Variants in SIPA1L1 observed in about 807,000 individuals in gnomAD.
SIPA1L1 encodes the protein signal-induced proliferation-associated 1-like protein 1.
A neutral mutation model predicts 162.7 loss-of-function variants in SIPA1L1; 26 were observed. The observed-to-expected ratio is 0.16, with a 90% CI of 0.12 to 0.22. The LOEUF (loss-of-function observed/expected upper bound fraction) is 0.22. SIPA1L1 is among the 10% of genes least tolerant of loss of function. The probability of loss-of-function intolerance (pLI) is 1.00; values close to 1 mark genes in which losing one functional copy is unlikely to be tolerated. For missense variants in SIPA1L1, 1,874 were observed against 2,241.0 expected (o/e 0.84, Z 3.31); for synonymous variants, 829 against 837.4 (o/e 0.99, Z 0.17).
intron 13 of SIPA1L1, among the ~76,000 whole-genome samples, chr14:71,695,320 T>C (rs538133560): frequency 1.4e-4 from 22 of 152,382 alleles, no homozygotes; most frequent in Admixed American, 9.8e-4. Flanking sequence ...AAAGCCACTA[T>C]TGAGTTATAT....
intron 2 of SIPA1L1, chr14:71,330,706 TAGGC>T: frequency 1.1e-6 from 1 of 882,984 alleles, no homozygotes; most frequent in Non-Finnish European, 1.9e-6. Flanking sequence ...AGGATTCTCA[TAGGC>T]AGGCAGGAAA....
intron 4 of SIPA1L1, among the ~76,000 whole-genome samples, chr14:71,546,555 C>T (rs542843668): frequency 1.8e-4 from 27 of 151,692 alleles, no homozygotes; most frequent in African/African-American, 5.8e-4. Flanking sequence ...CTAATTTTTG[C>T]ATTTTTAGTA....
intron 2 of SIPA1L1, among the ~76,000 whole-genome samples, chr14:71,354,391 C>T (rs555539325): frequency 1.9e-4 from 28 of 151,250 alleles, no homozygotes; most frequent in Middle Eastern, 3.2e-3. Flanking sequence ...GATTTTCCCT[C>T]TTCAGCCTCC....
chr14:71,567,328 T>TAA (rs2030873228), intron 4 of SIPA1L1, among the ~76,000 whole-genome samples: 11 of 152,330 alleles, frequency 7.2e-5, no homozygotes, highest in Admixed American at 3.9e-4. Flanking sequence ...TCATTGTTTT[T>TAA]AATAGCAAAA....
At chr14:71,661,692 CCTT>C (rs1471055239) in intron 10 of SIPA1L1, among the ~76,000 whole-genome samples, 1 of 152,200 alleles carries the variant, frequency 6.6e-6, no homozygotes, top group Non-Finnish European at 1.5e-5. Flanking sequence ...ATTTGCACCT[CCTT>C]CTTAGGTGAT....
intron 8 of SIPA1L1, among the ~76,000 whole-genome samples, chr14:71,658,095 GT>G (rs1380329471): frequency 1.3e-5 from 2 of 151,106 alleles, no homozygotes; most frequent in African/African-American, 2.4e-5. Flanking sequence ...GAAATCTTAT[GT>G]TTTTTATTTT....
At chr14:71,562,982 G>A (rs2056912773) in intron 4 of SIPA1L1, among the ~76,000 whole-genome samples, 1 of 152,126 alleles carries the variant, frequency 6.6e-6, no homozygotes, top group Non-Finnish European at 1.5e-5. Context: ...TTTGTAGCAT[G>A]TCAAAAAATG....
At chr14:71,719,529 C>A (rs2083530322) in intron 17 of SIPA1L1, among the ~76,000 whole-genome samples, 1 of 152,086 alleles carries the variant, frequency 6.6e-6, no homozygotes. Context: ...TTCCTAGTAA[C>A]CGATGATGTT....
chr14:71,694,081 C>T (rs2081441835), intron 13 of SIPA1L1, among the ~76,000 whole-genome samples: 1 of 152,128 alleles, frequency 6.6e-6, no homozygotes, highest in Non-Finnish European at 1.5e-5. Context: ...ATTCCATAGC[C>T]ATAAGTTGAT....
chr14:71,650,280 T>C, intron 7 of SIPA1L1, 55 bp from the exon 8 acceptor site: 1 of 1,586,944 alleles, frequency 6.3e-7, no homozygotes, highest in African/African-American at 1.3e-5. Flanking sequence ...AGCATTTGAC[T>C]GGGACAAAGT....
chr14:71,601,791 G>A (rs979280622), intron 5 of SIPA1L1, among the ~76,000 whole-genome samples: 2 of 151,948 alleles, frequency 1.3e-5, no homozygotes, highest in Non-Finnish European at 2.9e-5. Context: ...GATTTTCTAC[G>A]TCTTCTGGAT....
At chr14:71,730,626 ATTAG>A (rs759379614) in intron 20 of SIPA1L1, among the ~76,000 whole-genome samples, 1 of 152,176 alleles carries the variant, frequency 6.6e-6, no homozygotes, top group Non-Finnish European at 1.5e-5. Flanking sequence ...CTAGCACTAG[ATTAG>A]TTAGTTCTTA....
At chr14:71,480,171 C>G (rs2048234294) in intron 2 of SIPA1L1, among the ~76,000 whole-genome samples, 1 of 151,590 alleles carries the variant, frequency 6.6e-6, no homozygotes, top group Non-Finnish European at 1.5e-5. Flanking sequence ...CAACGTCCAC[C>G]TCCCAGGTTC....
At position 71,710,851 on chromosome 14, in the gene SIPA1L1, A is replaced by C. The variant is rs2082827920; in HGVS notation, c.4208+1187A>C. Among the ~76,000 whole-genome samples the C allele has an allele frequency of 2.0e-5, 3 of 151,926 alleles. No homozygotes were observed. In the South Asian group the frequency reaches 6.2e-4, roughly 32 times the overall value. On this transcript the variant is annotated intron_variant, in intron 17 of 23. Transcript: ENST00000381232. ...GAAAGAAAGAAAGAAAAAGAAAAGT[A>C]ATAGAGAGGCTTAATTTAGTTTTTA...
chr14:71,403,659 A>T (rs1385696014), intron 2 of SIPA1L1, among the ~76,000 whole-genome samples: 1 of 151,702 alleles, frequency 6.6e-6, no homozygotes, highest in African/African-American at 2.4e-5. Context: ...CTACTTTTTT[A>T]AAATGGCTAT....
At position 71,608,323 on chromosome 14, in the gene SIPA1L1, C is replaced by G. The variant is rs541770066; in HGVS notation, c.1499-10434C>G. Among the ~76,000 whole-genome samples the G allele has an allele frequency of 1.6e-4, 25 of 152,268 alleles. No homozygotes were observed. In the South Asian group the frequency reaches 5.0e-3, roughly 30 times the overall value. On this transcript the variant is annotated intron_variant, in intron 5 of 23. Transcript: ENST00000381232. ...ATTTCTGGCTACCTGTTAGAGACTT[C>G]CCCCTAAATCCTTCAATAGCCTTTT...
chr14:71,395,887 A>G (rs2041155511), intron 2 of SIPA1L1, among the ~76,000 whole-genome samples: 1 of 152,234 alleles, frequency 6.6e-6, no homozygotes, highest in African/African-American at 2.4e-5. Context: ...TTCAAGATTA[A>G]GGAATTAGTC....
Position 71,573,057 on chromosome 14 carries a change from G to A in SIPA1L1, c.-302-14514G>A, listed in dbSNP as rs184671694. Among the ~76,000 whole-genome samples the A allele has an allele frequency of 2.7e-3, 412 of 152,278 alleles. 16 individuals carry two copies. Among genetic ancestry groups the A allele is most frequent in the Admixed American group, 0.025 (376 of 15,288 alleles). On this transcript the variant is annotated intron_variant, in intron 4 of 23. Coordinates refer to ENST00000381232, the MANE Select transcript of SIPA1L1 (RefSeq NM_001386936.1). ...AGTAGCAATATGAGCGTGTTATTTA[G>A]GAATAAGGAAATAGTGAGGGAAACA...
At chr14:71,565,066 C>T (rs1292575678) in intron 4 of SIPA1L1, among the ~76,000 whole-genome samples, 5 of 152,210 alleles carry the variant, frequency 3.3e-5, no homozygotes, top group Non-Finnish European at 5.9e-5. Flanking sequence ...GTGTCCTCTT[C>T]TGAAGAACAT....
Sources: gnomAD v4.1 joint callset for allele counts (sites outside exome capture counted in the v4.1 genomes callset) on GRCh38, gnomAD v4.1.1 for gene constraint, MANE v1.5 for transcripts, NCBI Gene and HGNC (gene_info 2026-07-23, HGNC 2026-07-21) for gene names.